GPC5: variants seen among roughly 807,000 people sequenced by gnomAD.
The protein encoded by GPC5 is glypican 5.
Under a neutral mutation model 53.9 loss-of-function variants are expected in GPC5, and 47 were observed. The ratio of observed to expected loss-of-function variants is 0.87; its 90% CI spans 0.69 to 1.11. GPC5 has a LOEUF of 1.11. Ranked by LOEUF, GPC5 falls within the 50% of genes most tolerant of loss-of-function variation. The probability of loss-of-function intolerance (pLI) is 0.00; values close to 1 mark genes in which losing one functional copy is unlikely to be tolerated. For synonymous variants in GPC5, 286 were observed against 263.3 expected (o/e 1.09, Z -0.84); for missense variants, 748 against 713.1 (o/e 1.05, Z -0.56).
chr13:91,638,486 G>C (rs1326747), intron 2 of GPC5, among the ~76,000 whole-genome samples: 139,142 of 152,078 alleles, frequency 0.91, 63,840 homozygotes, highest in East Asian at 1. Context: ...CTACCCCAGC[G>C]TCCCAAGTAG....
intron 2 of GPC5, among the ~76,000 whole-genome samples, chr13:91,629,513 C>T (rs2034101428): frequency 6.6e-6 from 1 of 151,948 alleles, no homozygotes; most frequent in African/African-American, 2.4e-5. Flanking sequence ...CGTGGTGGCA[C>T]ACACCTGTAA....
chr13:92,146,999 A>G (rs1049364302), intron 7 of GPC5, among the ~76,000 whole-genome samples: 1 of 152,120 alleles, frequency 6.6e-6, no homozygotes, highest in Non-Finnish European at 1.5e-5. Flanking sequence ...AATGGATATA[A>G]ATTGTATATT....
chr13:92,026,663 A>G (rs886120477), intron 6 of GPC5, among the ~76,000 whole-genome samples: 3 of 152,038 alleles, frequency 2.0e-5, no homozygotes, highest in African/African-American at 4.8e-5. Flanking sequence ...CAGTCATAAG[A>G]TCTAGTGAGA....
At chr13:91,581,329 C>A (rs531060758) in intron 2 of GPC5, among the ~76,000 whole-genome samples, 2 of 152,238 alleles carry the variant, frequency 1.3e-5, no homozygotes, top group African/African-American at 4.8e-5. Flanking sequence ...AAATATAACA[C>A]TATTTTGGCC....
At chr13:92,512,905 A>G (rs1880626260) in intron 7 of GPC5, among the ~76,000 whole-genome samples, 1 of 152,186 alleles carries the variant, frequency 6.6e-6, no homozygotes, top group African/African-American at 2.4e-5. Context: ...CTGTCATTAA[A>G]GTCTTCAGGG....
At position 92,049,401 on chromosome 13, in the gene GPC5, T is replaced by C. The variant is rs151116411; in HGVS notation, c.1402-95429T>C. 6.4e-3 allele frequency among the ~76,000 whole-genome samples: 981 copies of C among 152,196 alleles called. 3 individuals are homozygous for C. The highest frequency in any genetic ancestry group is 0.01 in the Non-Finnish European group (694 of 67,968). ...AGCCTAATATTTAATATGCATTAGA[T>C]CAACCTTTGTCGAATGAATAAATAC... On this transcript the variant is annotated intron_variant, in intron 6 of 7. Coordinates refer to ENST00000377067, the MANE Select transcript of GPC5 (RefSeq NM_004466.6).
chr13:92,070,430 C>T (rs2041201684), intron 6 of GPC5, among the ~76,000 whole-genome samples: 2 of 152,148 alleles, frequency 1.3e-5, no homozygotes. Flanking sequence ...TATTAATCTG[C>T]CCGAAAATTT....
chr13:91,815,462 C>T (rs1313208973), intron 5 of GPC5, among the ~76,000 whole-genome samples: 1 of 152,118 alleles, frequency 6.6e-6, no homozygotes, highest in Non-Finnish European at 1.5e-5. Context: ...TTGAATTTTT[C>T]TAATATTTGT....
At chr13:91,425,646 TTTC>T (rs1221746174) in intron 1 of GPC5, among the ~76,000 whole-genome samples, 1 of 152,246 alleles carries the variant, frequency 6.6e-6, no homozygotes, top group Non-Finnish European at 1.5e-5. Context: ...TTAAACTTCT[TTTC>T]TTTATAAATT....
At chr13:91,635,875 T>A (rs2034272820) in intron 2 of GPC5, among the ~76,000 whole-genome samples, 1 of 152,138 alleles carries the variant, frequency 6.6e-6, no homozygotes, top group Non-Finnish European at 1.5e-5. Context: ...GAAATTGACA[T>A]CTTTACAATG....
chr13:92,327,745 G>T (rs372006220), intron 7 of GPC5, among the ~76,000 whole-genome samples: 1 of 152,030 alleles, frequency 6.6e-6, no homozygotes, highest in South Asian at 2.1e-4. Context: ...CTTTTACAAC[G>T]AAATCAAAAC....
At chr13:92,261,647 G>T (rs1024091919) in intron 7 of GPC5, among the ~76,000 whole-genome samples, 3 of 151,858 alleles carry the variant, frequency 2.0e-5, no homozygotes, top group Non-Finnish European at 4.4e-5. Context: ...ATGATGTATG[G>T]GTGAATAGGA....
At chr13:92,369,891 T>C (rs2043636549) in intron 7 of GPC5, among the ~76,000 whole-genome samples, 1 of 152,214 alleles carries the variant, frequency 6.6e-6, no homozygotes, top group Non-Finnish European at 1.5e-5. Flanking sequence ...ACTCTACAAT[T>C]CTATTAAGGA....
intron 7 of GPC5, among the ~76,000 whole-genome samples, chr13:92,400,001 TA>T (rs1875484534): frequency 6.6e-6 from 1 of 152,162 alleles, no homozygotes; most frequent in Non-Finnish European, 1.5e-5. Context: ...TGGTGGAATT[TA>T]TGAAAAAGAT....
chr13:91,948,687 T>A (rs1173510132), intron 6 of GPC5, among the ~76,000 whole-genome samples: 6 of 152,222 alleles, frequency 3.9e-5, no homozygotes, highest in Non-Finnish European at 8.8e-5. Flanking sequence ...TTATTCAACT[T>A]TATAATTTCT....
chr13:92,212,338 C>A (rs1011796046), intron 7 of GPC5, among the ~76,000 whole-genome samples: 1 of 152,110 alleles, frequency 6.6e-6, no homozygotes, highest in Admixed American at 6.5e-5. Flanking sequence ...CTGTCTAGAG[C>A]TCTGAAGTAT....
rs182296561 is a variant in GPC5 at position 92,257,125 on chromosome 13, G to A, written c.1561+112136G>A. Among the ~76,000 whole-genome samples the A allele has an allele frequency of 1.2e-3, 182 of 152,064 alleles. 1 individual carries two copies. Among genetic ancestry groups the A allele is most frequent in the Admixed American group, 3.6e-3 (55 of 15,246 alleles). ...TCAAATATAAAAAAATTTCTGTTTGGCTTAAGCTGGATATTTAACTTCAGG... is the reference window on the plus strand; with the variant it reads ...TCAAATATAAAAAAATTTCTGTTTGACTTAAGCTGGATATTTAACTTCAGG... On this transcript the variant is annotated intron_variant, in intron 7 of 7. Transcript: ENST00000377067.
chr13:92,324,895 C>T (rs1459460616), intron 7 of GPC5, among the ~76,000 whole-genome samples: 1 of 151,848 alleles, frequency 6.6e-6, no homozygotes, highest in Non-Finnish European at 1.5e-5. Flanking sequence ...AATAGTTTAT[C>T]ATTATCTTGG....
chr13:91,742,317 C>T (rs2036952586), intron 4 of GPC5, among the ~76,000 whole-genome samples: 1 of 152,066 alleles, frequency 6.6e-6, no homozygotes, highest in African/African-American at 2.4e-5. Flanking sequence ...TGAATGTTCC[C>T]AGAAAAAGAA....
Sources: allele counts gnomAD v4.1 joint callset (sites outside exome capture counted in the v4.1 genomes callset), GRCh38; gene constraint gnomAD v4.1.1; transcripts MANE v1.5; gene names NCBI Gene and HGNC (gene_info 2026-07-23, HGNC 2026-07-21).